Variants in BLTP3B observed in about 807,000 individuals in gnomAD.
The protein encoded by BLTP3B is UHRF1 (ICBP90) binding protein 1-like.
chr12:100,100,625 T>C, the BLTP3B span, among the ~76,000 whole-genome samples: 1 of 151,936 alleles, frequency 6.6e-6, no homozygotes, highest in African/African-American at 2.4e-5. Context: ...GGTGGGAGGA[T>C]CGATTGAGCC....
the BLTP3B span, among the ~76,000 whole-genome samples, chr12:100,043,937 G>A: frequency 6.6e-6 from 1 of 152,120 alleles, no homozygotes; most frequent in Non-Finnish European, 1.5e-5. Flanking sequence ...GATTCTTTTG[G>A]TCCTGTTTCT....
At chr12:100,052,987 G>A in the BLTP3B span, among the ~76,000 whole-genome samples, 2 of 151,430 alleles carry the variant, frequency 1.3e-5, no homozygotes, top group Non-Finnish European at 1.5e-5. Flanking sequence ...TAGAGACGGG[G>A]TTTCACCATG....
At chr12:100,114,342 A>C in the BLTP3B span, among the ~76,000 whole-genome samples, 3 of 152,204 alleles carry the variant, frequency 2.0e-5, no homozygotes, top group Non-Finnish European at 2.9e-5. Context: ...CAAACTTATA[A>C]ATTAATAATG....
the BLTP3B span, among the ~76,000 whole-genome samples, chr12:100,092,475 T>C: frequency 6.6e-6 from 1 of 152,074 alleles, no homozygotes; most frequent in African/African-American, 2.4e-5. Flanking sequence ...GTACATATGC[T>C]GGGGCAAAAA....
At chr12:100,053,107 T>C in the BLTP3B span, among the ~76,000 whole-genome samples, 1 of 151,838 alleles carries the variant, frequency 6.6e-6, no homozygotes, top group Non-Finnish European at 1.5e-5. Context: ...TTGTGTTTTT[T>C]AAGAGTATTT....
At chr12:100,112,851 T>C in the BLTP3B span, among the ~76,000 whole-genome samples, 11 of 99,990 alleles carry the variant, frequency 1.1e-4, no homozygotes, top group East Asian at 3.0e-4. Flanking sequence ...AGAGCAAGAC[T>C]CCATCTCAAA....
the BLTP3B span, among the ~76,000 whole-genome samples, chr12:100,137,479 G>A: frequency 6.6e-6 from 1 of 152,018 alleles, no homozygotes; most frequent in Non-Finnish European, 1.5e-5. Flanking sequence ...TTATGAGACT[G>A]GCTAATTTTT....
the BLTP3B span, among the ~76,000 whole-genome samples, chr12:100,113,506 G>A: frequency 6.6e-6 from 1 of 152,076 alleles, no homozygotes; most frequent in African/African-American, 2.4e-5. Flanking sequence ...GCTATCTACT[G>A]CTTACTATTT....
At chr12:100,097,428 A>G in the BLTP3B span, 2 of 1,613,474 alleles carry the variant, frequency 1.2e-6, no homozygotes, top group Non-Finnish European at 1.7e-6. Context: ...GAGCACACAT[A>G]ATTTCAAGAT....
the BLTP3B span, among the ~76,000 whole-genome samples, chr12:100,098,880 GC>G: frequency 6.6e-6 from 1 of 151,632 alleles, no homozygotes; most frequent in Non-Finnish European, 1.5e-5. Flanking sequence ...CTGCACTCCA[GC>G]CTGGGTGACA....
At chr12:100,050,959 GA>G in the BLTP3B span, 1 of 1,344,416 alleles carries the variant, frequency 7.4e-7, no homozygotes, top group Non-Finnish European at 1.0e-6. Context: ...GCTGCAAATT[GA>G]ATTGCCCACC....
chr12:100,041,362 G>A, the BLTP3B span, among the ~76,000 whole-genome samples: 2 of 151,426 alleles, frequency 1.3e-5, no homozygotes, highest in Admixed American at 1.3e-4. Context: ...ATACTTAGTG[G>A]TGAAAGACTA....
At chr12:100,048,882 C>T in the BLTP3B span, among the ~76,000 whole-genome samples, 1 of 151,518 alleles carries the variant, frequency 6.6e-6, no homozygotes, top group East Asian at 1.9e-4. Flanking sequence ...GAGGTATAAA[C>T]ACATAGTTTA....
chr12:100,071,773 C>T, the BLTP3B span, among the ~76,000 whole-genome samples: 18,879 of 152,176 alleles, frequency 0.12, 1,498 homozygotes, highest in Middle Eastern at 0.2. Context: ...CAAAAAAATT[C>T]TCTACAGCTA....
chr12:100,061,674 AAAG>A, the BLTP3B span, among the ~76,000 whole-genome samples: 4 of 151,752 alleles, frequency 2.6e-5, no homozygotes, highest in East Asian at 3.9e-4. Context: ...AAAAAAAAAA[AAAG>A]AAAGATCTAT....
the BLTP3B span, chr12:100,086,363 G>GC: frequency 2.7e-6 from 1 of 374,994 alleles, no homozygotes; most frequent in Non-Finnish European, 4.7e-6. Flanking sequence ...TTGACTCTGG[G>GC]AAAAAAAAAG....
the BLTP3B span, chr12:100,048,014 A>G: frequency 6.2e-7 from 1 of 1,605,826 alleles, no homozygotes; most frequent in South Asian, 1.1e-5. Context: ...TCATCTTCCA[A>G]AAAATGTTGA....
At chr12:100,097,916 T>A in the BLTP3B span, among the ~76,000 whole-genome samples, 2 of 152,110 alleles carry the variant, frequency 1.3e-5, no homozygotes, top group South Asian at 4.1e-4. Context: ...AAATGAATGA[T>A]TAAGAGTAAT....
At chr12:100,081,181 C>T in the BLTP3B span, among the ~76,000 whole-genome samples, 3 of 152,142 alleles carry the variant, frequency 2.0e-5, no homozygotes, top group South Asian at 4.2e-4. Context: ...TGCCCAGTCT[C>T]GGGTATGTCT....
Sources: allele counts gnomAD v4.1 joint callset (sites outside exome capture counted in the v4.1 genomes callset), GRCh38; gene constraint gnomAD v4.1.1; transcripts MANE v1.5; gene names NCBI Gene and HGNC (gene_info 2026-07-23, HGNC 2026-07-21).